LRRC63: variants seen among roughly 807,000 people sequenced by gnomAD.
LRRC63 encodes leucine-rich repeat-containing protein 63.
In LRRC63, 40 loss-of-function variants were observed where a neutral mutation model predicts 49.5. That is an observed-to-expected ratio of 0.81 (90% CI 0.63 to 1.05). LRRC63 has a LOEUF of 1.05. Ranked by LOEUF, LRRC63 falls within the 50% of genes least tolerant of loss-of-function variation. LRRC63 has a pLI of 0.00. For synonymous variants in LRRC63, 191 were observed against 221.1 expected, an observed-to-expected ratio of 0.86 and a Z score of 1.21; for missense variants, 636 against 663.1, an observed-to-expected ratio of 0.96 and a Z score of 0.45.
At chr13:46,240,100 G>A (rs972538280) in intron 5 of LRRC63, among the ~76,000 whole-genome samples, 1 of 151,062 alleles carries the variant, frequency 6.6e-6, no homozygotes, top group African/African-American at 2.4e-5. Flanking sequence ...ACAAGTCAAG[G>A]ATACCCTCTA....
chr13:46,258,611 C>T (rs1179703337), intron 7 of LRRC63, among the ~76,000 whole-genome samples: 5 of 150,098 alleles, frequency 3.3e-5, no homozygotes, highest in East Asian at 2.0e-4. Flanking sequence ...AGATCGAGAC[C>T]ATCCTGGCCA....
intron 2 of LRRC63, among the ~76,000 whole-genome samples, chr13:46,217,386 G>A (rs1352337065): frequency 2.6e-5 from 4 of 152,156 alleles, no homozygotes; most frequent in Admixed American, 2.6e-4. Flanking sequence ...AGATTTTCTA[G>A]TTTATTTGCA....
intron 9 of LRRC63, among the ~76,000 whole-genome samples, chr13:46,268,507 A>C (rs528926160): frequency 1.3e-5 from 2 of 148,626 alleles, no homozygotes; most frequent in African/African-American, 5.2e-5. Flanking sequence ...AAGAACCCCA[A>C]AGACAAAGAT....
At chr13:46,233,518 G>A (rs1342324468) in intron 4 of LRRC63, among the ~76,000 whole-genome samples, 1 of 152,124 alleles carries the variant, frequency 6.6e-6, no homozygotes, top group African/African-American at 2.4e-5. Context: ...TGCAAACAAT[G>A]CAGCAATAAT....
At chr13:46,212,117 G>T (rs1465001754) in exon 1 of LRRC63, 3 of 152,288 alleles carry the variant, frequency 2.0e-5, no homozygotes, top group Non-Finnish European at 4.4e-5. Flanking sequence ...TTGGAAAGCG[G>T]CCGATTATCC....
At chr13:46,246,116 G>T (rs2047205646) in intron 5 of LRRC63, among the ~76,000 whole-genome samples, 1 of 152,060 alleles carries the variant, frequency 6.6e-6, no homozygotes, top group African/African-American at 2.4e-5. Context: ...CCGTCTTCCT[G>T]CTGCTCTGGC....
At chr13:46,228,332 T>A (rs2046640401) in intron 3 of LRRC63, 143 bp downstream of exon 3, 1 of 680,840 alleles carries the variant, frequency 1.5e-6, no homozygotes, top group South Asian at 2.0e-5. Flanking sequence ...ATGTAATACT[T>A]GAGCCATAGG....
intron 8 of LRRC63, among the ~76,000 whole-genome samples, chr13:46,263,747 C>T (rs1418459903): frequency 1.3e-5 from 2 of 152,162 alleles, no homozygotes; most frequent in Non-Finnish European, 2.9e-5. Flanking sequence ...TCCTTTGCAT[C>T]ATGTCTCTTT....
intron 2 of LRRC63, among the ~76,000 whole-genome samples, chr13:46,213,582 T>C (rs1270449168): frequency 6.6e-6 from 1 of 152,206 alleles, no homozygotes; most frequent in Non-Finnish European, 1.5e-5. Flanking sequence ...AGTGTTGAAG[T>C]ACTGTCTAGT....
intron 5 of LRRC63, among the ~76,000 whole-genome samples, chr13:46,243,025 T>G (rs2047109570): frequency 6.6e-6 from 1 of 152,178 alleles, no homozygotes. Context: ...CAGAATATAT[T>G]AATACTGTAA....
intron 2 of LRRC63, among the ~76,000 whole-genome samples, chr13:46,222,044 G>A (rs1382328499): frequency 6.6e-6 from 1 of 152,142 alleles, no homozygotes; most frequent in Non-Finnish European, 1.5e-5. Flanking sequence ...TTTAATAACA[G>A]CCATTCTGAC....
At chr13:46,224,807 G>A (rs575082520) in intron 2 of LRRC63, among the ~76,000 whole-genome samples, 21 of 152,278 alleles carry the variant, frequency 1.4e-4, no homozygotes, top group Non-Finnish European at 2.5e-4. Context: ...TAGTAGTGTA[G>A]TCTCTGTATG....
chr13:46,248,269 C>T (rs1291743385), intron 6 of LRRC63, among the ~76,000 whole-genome samples: 1 of 151,950 alleles, frequency 6.6e-6, no homozygotes, highest in Non-Finnish European at 1.5e-5. Context: ...TAAATCCAAT[C>T]ATGTCAATAA....
chr13:46,235,928 G>A (rs2046891319), intron 5 of LRRC63, among the ~76,000 whole-genome samples: 2 of 152,168 alleles, frequency 1.3e-5, no homozygotes, highest in Admixed American at 1.3e-4. Flanking sequence ...GGAGAATAAT[G>A]TGTGAACAGA....
At chr13:46,214,107 T>G (rs2046176271) in intron 2 of LRRC63, among the ~76,000 whole-genome samples, 1 of 152,204 alleles carries the variant, frequency 6.6e-6, no homozygotes, top group African/African-American at 2.4e-5. Context: ...CCCTCCTTAT[T>G]ATAAGCAATA....
At chr13:46,228,097 C>T in exon 3 of LRRC63, 1 of 1,550,726 alleles carries the variant, frequency 6.4e-7, no homozygotes, top group Non-Finnish European at 8.7e-7. Context: ...AAATCAACTG[C>T]TACATTGACA....
intron 2 of LRRC63, among the ~76,000 whole-genome samples, chr13:46,225,288 T>G (rs1278417646): frequency 6.6e-6 from 1 of 152,196 alleles, no homozygotes; most frequent in South Asian, 2.1e-4. Flanking sequence ...AGAACCTTGC[T>G]TTCACTCCAG....
intron 9 of LRRC63, among the ~76,000 whole-genome samples, chr13:46,268,482 C>A (rs1260314394): frequency 6.6e-6 from 1 of 152,084 alleles, no homozygotes; most frequent in Non-Finnish European, 1.5e-5. Context: ...AGTAAAATAC[C>A]TTGTGGTAAA....
At chr13:46,214,921 GT>G (rs980756788) in intron 2 of LRRC63, among the ~76,000 whole-genome samples, 4 of 152,162 alleles carry the variant, frequency 2.6e-5, no homozygotes, top group Admixed American at 6.5e-5. Flanking sequence ...CTTCATCCAT[GT>G]CCCTGCAAAG....
Sources: gnomAD v4.1 joint callset for allele counts (sites outside exome capture counted in the v4.1 genomes callset) on GRCh38, gnomAD v4.1.1 for gene constraint, MANE v1.5 for transcripts, NCBI Gene and HGNC (gene_info 2026-07-23, HGNC 2026-07-21) for gene names.